NRXN1: variants seen among roughly 807,000 people sequenced by gnomAD.
NRXN1 encodes the protein neurexin 1.
A neutral mutation model predicts 150.9 loss-of-function variants in NRXN1; 39 were observed. The observed-to-expected ratio is 0.26, with a 90% CI of 0.20 to 0.34. NRXN1 has a LOEUF of 0.34. Ranked by LOEUF, NRXN1 falls within the 10% of genes least tolerant of loss-of-function variation. The pLI is 1.00. For missense variants in NRXN1, 1,815 were observed against 1,949.9 expected (o/e 0.93, Z 1.30); for synonymous variants, 924 against 757.0 (o/e 1.22, Z -3.62).
intron 5 of NRXN1, among the ~76,000 whole-genome samples, chr2:50,796,977 G>A (rs1037037241): frequency 3.3e-5 from 5 of 152,086 alleles, no homozygotes; most frequent in East Asian, 1.9e-4. Context: ...TTCCCAGAAG[G>A]GAGGACACTG....
intron 17 of NRXN1, among the ~76,000 whole-genome samples, chr2:50,328,907 C>T (rs2152981669): frequency 6.6e-6 from 1 of 152,268 alleles, no homozygotes; most frequent in Middle Eastern, 3.4e-3. Flanking sequence ...CACATCTTGT[C>T]TCTTGTTATT....
At chr2:49,998,178 C>A (rs1489082894) in intron 21 of NRXN1, among the ~76,000 whole-genome samples, 1 of 152,102 alleles carries the variant, frequency 6.6e-6, no homozygotes, top group Non-Finnish European at 1.5e-5. Flanking sequence ...AGAATTAAAA[C>A]TTTTACCTGC....
intron 5 of NRXN1, among the ~76,000 whole-genome samples, chr2:50,682,700 T>C (rs1690583127): frequency 6.6e-6 from 1 of 152,110 alleles, no homozygotes; most frequent in South Asian, 2.1e-4. Context: ...CAGATTGCAA[T>C]TTTTAGTAGC....
intron 5 of NRXN1, among the ~76,000 whole-genome samples, chr2:50,723,940 C>CA (rs1390205115): frequency 6.6e-6 from 1 of 152,082 alleles, no homozygotes; most frequent in Non-Finnish European, 1.5e-5. Flanking sequence ...AACACTAAAG[C>CA]AAAAAGATGA....
intron 2 of NRXN1, among the ~76,000 whole-genome samples, chr2:50,959,628 G>T (rs1007811118): frequency 6.6e-6 from 1 of 151,918 alleles, no homozygotes; most frequent in Non-Finnish European, 1.5e-5. Context: ...ATGGTTGTGG[G>T]TTTCTTTTTG....
At chr2:50,606,743 T>C (rs149930692) in intron 8 of NRXN1, among the ~76,000 whole-genome samples, 180 of 152,102 alleles carry the variant, frequency 1.2e-3, no homozygotes, top group African/African-American at 4.3e-3. Flanking sequence ...TCAGTAAGAT[T>C]GAAAATTAAA....
At chr2:50,481,338 G>A (rs1208646164) in intron 15 of NRXN1, among the ~76,000 whole-genome samples, 1 of 152,126 alleles carries the variant, frequency 6.6e-6, no homozygotes, top group Non-Finnish European at 1.5e-5. Context: ...GAGACAACTG[G>A]TACAATAAGA....
chr2:50,495,321 T>C (rs1056824222), intron 15 of NRXN1, among the ~76,000 whole-genome samples: 1 of 150,336 alleles, frequency 6.7e-6, no homozygotes, highest in African/African-American at 2.5e-5. Flanking sequence ...AAGACTTTCT[T>C]AGCAGCTGGT....
At position 50,668,280 on chromosome 2, in the gene NRXN1, T is replaced by C. The variant is rs544057965; in HGVS notation, c.833-44665A>G. On this transcript the variant is annotated intron_variant, in intron 5 of 22. Transcript: ENST00000401669. ...AAGAGTGATTATCTCAAGGTCTCCT[T>C]ACTTAATCAGTGTTCTTTTTTTCAA... 2.0e-3 allele frequency among the ~76,000 whole-genome samples: 297 copies of C among 152,086 alleles called. 3 individuals carry two copies. In the Middle Eastern group the frequency reaches 0.031, roughly 16 times the overall value.
intron 2 of NRXN1, among the ~76,000 whole-genome samples, chr2:50,966,136 T>A (rs908600379): frequency 3.3e-5 from 5 of 151,738 alleles, no homozygotes; most frequent in African/African-American, 1.2e-4. Context: ...TTGAACACTT[T>A]GTATCCAATA....
chr2:50,543,993 T>A (rs1426891895), intron 9 of NRXN1, among the ~76,000 whole-genome samples: 1 of 152,154 alleles, frequency 6.6e-6, no homozygotes, highest in Non-Finnish European at 1.5e-5. Flanking sequence ...TAGGCTTCAA[T>A]GTGGCTCTTA....
chr2:49,929,386 G>T (rs1669723991), intron 22 of NRXN1, among the ~76,000 whole-genome samples: 2 of 152,144 alleles, frequency 1.3e-5, no homozygotes, highest in Admixed American at 6.5e-5. Context: ...TCACTATGTT[G>T]TAAACTATAT....
At chr2:50,249,800 T>C (rs1412533038) in intron 17 of NRXN1, among the ~76,000 whole-genome samples, 1 of 151,858 alleles carries the variant, frequency 6.6e-6, no homozygotes, top group Non-Finnish European at 1.5e-5. Context: ...ACTATGGCTG[T>C]CAAATTTTTA....
At chr2:50,180,492 T>C (rs2152810163) in intron 18 of NRXN1, among the ~76,000 whole-genome samples, 1 of 152,218 alleles carries the variant, frequency 6.6e-6, no homozygotes, top group Non-Finnish European at 1.5e-5. Flanking sequence ...TGTTGGGAGA[T>C]GGTGTCTAAT....
intron 17 of NRXN1, among the ~76,000 whole-genome samples, chr2:50,301,274 T>C (rs2074124838): frequency 1.3e-5 from 2 of 152,214 alleles, no homozygotes; most frequent in South Asian, 2.1e-4. Context: ...GCTTTTACTA[T>C]ATTAACTCAT....
At chr2:50,041,524 C>T (rs1001104699) in intron 21 of NRXN1, among the ~76,000 whole-genome samples, 4 of 152,106 alleles carry the variant, frequency 2.6e-5, no homozygotes, top group African/African-American at 9.7e-5. Flanking sequence ...TGGCTGAAGA[C>T]ATCAAAAAAT....
At chr2:50,090,503 T>C (rs182674922) in intron 19 of NRXN1, among the ~76,000 whole-genome samples, 1 of 152,206 alleles carries the variant, frequency 6.6e-6, no homozygotes, top group Non-Finnish European at 1.5e-5. Flanking sequence ...ACGATAATGA[T>C]TGCAGTAAAA....
At chr2:50,551,101 GGAGGGA>G (rs1284604921) in intron 9 of NRXN1, among the ~76,000 whole-genome samples, 2 of 127,872 alleles carry the variant, frequency 1.6e-5, no homozygotes, top group African/African-American at 6.6e-5. Flanking sequence ...AGGAGGAGGA[GGAGGGA>G]GGGGGAGGGG....
At chr2:50,419,352 T>C (rs2083790170) in intron 17 of NRXN1, among the ~76,000 whole-genome samples, 1 of 152,086 alleles carries the variant, frequency 6.6e-6, no homozygotes, top group Non-Finnish European at 1.5e-5. Context: ...TTTGGTTGCT[T>C]GGCTAAAGTT....
Sources: allele counts gnomAD v4.1 joint callset (sites outside exome capture counted in the v4.1 genomes callset), GRCh38; gene constraint gnomAD v4.1.1; transcripts MANE v1.5; gene names NCBI Gene and HGNC (gene_info 2026-07-23, HGNC 2026-07-21).